Variants in ZFHX4 observed in about 807,000 individuals in gnomAD.
ZFHX4 encodes zinc finger homeobox protein 4.
ZFHX4 carries 56 observed loss-of-function variants against 267.6 expected under a neutral mutation model. The ratio of observed to expected loss-of-function variants is 0.21; its 90% CI spans 0.17 to 0.26. ZFHX4 has a LOEUF of 0.26. ZFHX4 is among the 10% of genes least tolerant of loss of function. ZFHX4 has a pLI of 1.00. For missense variants in ZFHX4, 4,332 were observed against 4,420.0 expected, an observed-to-expected ratio of 0.98 and a Z score of 0.56; for synonymous variants, 1,778 against 1,665.6, an observed-to-expected ratio of 1.07 and a Z score of -1.64.
intron 10 of ZFHX4, among the ~76,000 whole-genome samples, chr8:76,856,750 C>T (rs1404454853): frequency 6.6e-6 from 1 of 152,054 alleles, no homozygotes; most frequent in Non-Finnish European, 1.5e-5. Context: ...TTGTCCCCCC[C>T]GCCGCCACCC....
chr8:76,728,720 G>C (rs1029545488), intron 3 of ZFHX4, among the ~76,000 whole-genome samples: 143 of 152,256 alleles, frequency 9.4e-4, no homozygotes, highest in Non-Finnish European at 4.1e-4. Flanking sequence ...GTTTGAAATA[G>C]GTTATTAGTG....
At chr8:76,756,639 C>T (rs1164873879) in intron 3 of ZFHX4, among the ~76,000 whole-genome samples, 4 of 151,988 alleles carry the variant, frequency 2.6e-5, no homozygotes, top group Non-Finnish European at 4.4e-5. Flanking sequence ...TCAATCATTT[C>T]GTCAAAGCTA....
Position 76,707,778 on chromosome 8 carries a change from T to G in ZFHX4, c.2823T>G (p.Asp941Glu). ...PEEEWRAVIG[D>E]IYQCKLCNYN... ...AGGAATGGAGGGCAGTAATTGGAGA[T>G]ATCTACCAGTGCAAGCTCTGCAACT... Residue 941 changes from aspartate to glutamate, a missense_variant, in exon 3 of 11, where the codon GAT (aspartate) becomes GAG (glutamate). Transcript: ENST00000651372. 6.2e-7 allele frequency: 1 copy of G among 1,614,028 alleles called. No homozygotes were observed. The highest frequency in any genetic ancestry group is 8.5e-7 in the Non-Finnish European group (1 of 1,179,958).
chr8:76,761,446 T>C (rs981211501), intron 3 of ZFHX4, among the ~76,000 whole-genome samples: 10 of 152,250 alleles, frequency 6.6e-5, no homozygotes, highest in Non-Finnish European at 1.2e-4. Flanking sequence ...TGGCCATGCC[T>C]CAGCTTTTCC....
In ZFHX4 at chr8:76,863,920, G is replaced by A. The variant is rs1167972690; in HGVS notation, c.10206G>A (p.Glu3402=). ...ACGTTGTTCCATTCGTCAAGTATGA[G>A]TTTATATGCAGAAAGTGCCAGATGA... ...DTYVVPFVKY[E]FICRKCQMMF... is the part of the protein sequence containing the mutation. The change falls in exon 11 of 11, where the codon GAG becomes GAA. Residue 3402 remains glutamate (E), a synonymous_variant. Transcript: ENST00000651372. The A allele has an allele frequency of 5.7e-6, 9 of 1,592,786 alleles. No individual in the cohort carries two copies. The African/African-American group carries it at 6.7e-5, about 12-fold the overall frequency.
intron 1 of ZFHX4, among the ~76,000 whole-genome samples, chr8:76,694,173 G>C (rs1807894977): frequency 6.6e-6 from 1 of 152,136 alleles, no homozygotes; most frequent in African/African-American, 2.4e-5. Flanking sequence ...GATGTGACTG[G>C]AACTTGGGTT....
At chr8:76,758,423 A>G (rs916403534) in intron 3 of ZFHX4, among the ~76,000 whole-genome samples, 5 of 152,174 alleles carry the variant, frequency 3.3e-5, no homozygotes, top group African/African-American at 1.2e-4. Flanking sequence ...AAGCATAAGA[A>G]CAGGTATTTT....
At chr8:76,764,471 A>G (rs992320395) in intron 3 of ZFHX4, among the ~76,000 whole-genome samples, 34 of 152,190 alleles carry the variant, frequency 2.2e-4, no homozygotes, top group Non-Finnish European at 5.9e-5. Flanking sequence ...ATGATTAAAC[A>G]TTGGTACATG....
At chr8:76,819,349 C>A (rs553170565) in intron 4 of ZFHX4, among the ~76,000 whole-genome samples, 15 of 152,004 alleles carry the variant, frequency 9.9e-5, no homozygotes, top group Admixed American at 7.2e-4. Flanking sequence ...ATTTTTATAT[C>A]TTTCTAAATA....
At chr8:76,713,412 TTTTTA>T (rs1225249515) in intron 3 of ZFHX4, among the ~76,000 whole-genome samples, 1 of 152,198 alleles carries the variant, frequency 6.6e-6, no homozygotes, top group African/African-American at 2.4e-5. Flanking sequence ...GATAGAATGA[TTTTTA>T]TTGTGTGAAA....
chr8:76,695,539 A>G (rs1019647018), intron 1 of ZFHX4, among the ~76,000 whole-genome samples: 2 of 152,252 alleles, frequency 1.3e-5, no homozygotes, highest in Non-Finnish European at 2.9e-5. Context: ...CACAAAACCA[A>G]GAAGCTAAAC....
chr8:76,826,532 A>T (rs1000940688), intron 4 of ZFHX4, among the ~76,000 whole-genome samples: 1 of 152,248 alleles, frequency 6.6e-6, no homozygotes, highest in Non-Finnish European at 1.5e-5. Context: ...TAACTGTGGA[A>T]TAGAAAATAG....
At chr8:76,769,652 T>C (rs1810207731) in intron 3 of ZFHX4, among the ~76,000 whole-genome samples, 1 of 152,192 alleles carries the variant, frequency 6.6e-6, no homozygotes, top group African/African-American at 2.4e-5. Flanking sequence ...TCACACAGCC[T>C]AGAATTTGAT....
intron 3 of ZFHX4, among the ~76,000 whole-genome samples, chr8:76,720,049 A>G (rs186618520): frequency 2.0e-5 from 3 of 152,310 alleles, no homozygotes; most frequent in Non-Finnish European, 4.4e-5. Context: ...CATTTAAAGG[A>G]TACAATTCAA....
At chr8:76,786,395 C>A (rs917875647) in intron 4 of ZFHX4, among the ~76,000 whole-genome samples, 1 of 149,430 alleles carries the variant, frequency 6.7e-6, no homozygotes, top group Non-Finnish European at 1.5e-5. Flanking sequence ...AGTTAGACAT[C>A]GATGATCATA....
rs555522411 is a variant in ZFHX4 at position 76,852,382 on chromosome 8, C to T, written c.5461C>T (p.Pro1821Ser). Residue 1821 changes from proline (P) to serine (S), a missense_variant, in exon 10 of 11, where the codon CCT becomes TCT. By Grantham distance (74) the Pro-to-Ser change is moderately conservative. Coordinates refer to ENST00000651372, the MANE Select transcript of ZFHX4 (RefSeq NM_024721.5). ...QPQKQQQQPP[P>S]PQQQQQQQAS... Reference sequence around the variant, plus strand: ...TCAAAAACAACAGCAGCAGCCACCACCTCCACAGCAGCAGCAGCAACAGCA... The same window carrying T: ...TCAAAAACAACAGCAGCAGCCACCATCTCCACAGCAGCAGCAGCAACAGCA... The T allele has an allele frequency of 5.8e-6, 9 of 1,554,242 alleles. No homozygotes were observed. In the South Asian group the frequency reaches 1.1e-4, roughly 18 times the overall value.
At chr8:76,798,972 C>T (rs1032400483) in intron 4 of ZFHX4, among the ~76,000 whole-genome samples, 2 of 152,106 alleles carry the variant, frequency 1.3e-5, no homozygotes, top group Non-Finnish European at 2.9e-5. Flanking sequence ...TTCAAAAGGA[C>T]ATGTAAAGAG....
At chr8:76,810,919 G>A (rs975124834) in intron 4 of ZFHX4, among the ~76,000 whole-genome samples, 1 of 152,066 alleles carries the variant, frequency 6.6e-6, no homozygotes, top group Non-Finnish European at 1.5e-5. Flanking sequence ...GTCCTTCAGA[G>A]ATGGCGATAA....
chr8:76,719,906 T>G (rs1486301325), intron 3 of ZFHX4, among the ~76,000 whole-genome samples: 1 of 152,130 alleles, frequency 6.6e-6, no homozygotes, highest in East Asian at 1.9e-4. Flanking sequence ...AGGACTAAAG[T>G]GATATGCTAC....
Sources: allele counts gnomAD v4.1 joint callset (sites outside exome capture counted in the v4.1 genomes callset), GRCh38; gene constraint gnomAD v4.1.1; transcripts MANE v1.5; gene names NCBI Gene and HGNC (gene_info 2026-07-23, HGNC 2026-07-21).